The following NCAPD3 variants were observed in gnomAD, a reference collection of about 807,000 sequenced individuals.
NCAPD3 encodes non-SMC condensin II complex subunit D3.
A neutral mutation model predicts 182.9 loss-of-function variants in NCAPD3; 105 were observed. The observed-to-expected ratio is 0.57, with a 90% CI of 0.49 to 0.68. NCAPD3 has a LOEUF of 0.68. Ranked by LOEUF, NCAPD3 falls within the 30% of genes least tolerant of loss-of-function variation. The pLI is 0.00. For synonymous variants in NCAPD3, 815 were observed against 679.9 expected (o/e 1.20, Z -3.09); for missense variants, 1,944 against 1,837.0 (o/e 1.06, Z -1.07).
At chr11:134,169,671 G>A (rs1314833429) in intron 24 of NCAPD3, among the ~76,000 whole-genome samples, 1 of 152,152 alleles carries the variant, frequency 6.6e-6, no homozygotes, top group Non-Finnish European at 1.5e-5. Context: ...GTGCAATGCT[G>A]CACATGGGAC....
intron 27 of NCAPD3, among the ~76,000 whole-genome samples, chr11:134,165,966 G>T (rs189767419): frequency 8.5e-6 from 1 of 117,174 alleles, no homozygotes; most frequent in African/African-American, 3.4e-5. Flanking sequence ...TTGGGGGAGG[G>T]GCACACTCAG....
chr11:134,209,615 G>A (rs534873086), intron 4 of NCAPD3, 138 bp from the exon 5 acceptor site: 277 of 739,910 alleles, frequency 3.7e-4, no homozygotes, highest in Non-Finnish European at 5.3e-4. Context: ...TGACCAGGTC[G>A]CATGACTGTT....
rs145669881 is a variant in NCAPD3, at chr11:134,194,686, G to A, written c.1668C>T (p.Asn556=). Residue 556 remains asparagine (N), a synonymous_variant, in exon 14 of 35, where the codon AAC becomes AAT. Transcript: ENST00000534548. ...LRRRIRDEKT[N]VRKSALQVLV... is the part of the protein sequence containing the mutation. ...CCACCTGCAGTGCAGACTTCCTAACGTTGGTCTTCTCATCCCTGATCCTCC... is the reference window on the plus strand; with the variant it reads ...CCACCTGCAGTGCAGACTTCCTAACATTGGTCTTCTCATCCCTGATCCTCC... 856 of 1,606,204 alleles carry A rather than the reference G, an allele frequency of 5.3e-4. 1 individual carries two copies. The highest frequency in any genetic ancestry group is 1.0e-3 in the Admixed American group (61 of 58,982).
At chr11:134,175,512 CG>C (rs1565533287) in intron 24 of NCAPD3, among the ~76,000 whole-genome samples, 3 of 152,162 alleles carry the variant, frequency 2.0e-5, no homozygotes, top group East Asian at 3.9e-4. Context: ...GAAACTTCCA[CG>C]GAACTCAGGG....
intron 24 of NCAPD3, chr11:134,173,296 G>A (rs10736612): frequency 0.36 from 54,954 of 154,226 alleles, 9,987 homozygotes; most frequent in African/African-American, 0.43. Context: ...GGACAGCACA[G>A]GTGTGGTCCA....
intron 32 of NCAPD3, among the ~76,000 whole-genome samples, chr11:134,154,985 TC>T (rs1402346436): frequency 6.6e-5 from 10 of 152,182 alleles, no homozygotes; most frequent in African/African-American, 2.4e-4. Flanking sequence ...ACACTGCTCT[TC>T]CTGTTTGGAA....
At chr11:134,222,027 T>C (rs1035621245) in intron 1 of NCAPD3, among the ~76,000 whole-genome samples, 4 of 152,258 alleles carry the variant, frequency 2.6e-5, no homozygotes, top group African/African-American at 7.2e-5. Context: ...GTTTTGCTTA[T>C]GACAGTTCCC....
chr11:134,202,939 A>T (rs1944780263), intron 12 of NCAPD3, 34 bp from the exon 13 acceptor site: 1 of 1,505,514 alleles, frequency 6.6e-7, no homozygotes, highest in Admixed American at 1.9e-5. Context: ...TTAAGCTAAA[A>T]ATGTGTTATA....
At chr11:134,155,630 C>T (rs1943398101) in intron 32 of NCAPD3, among the ~76,000 whole-genome samples, 1 of 152,176 alleles carries the variant, frequency 6.6e-6, no homozygotes, top group African/African-American at 2.4e-5. Flanking sequence ...CAACCCAACA[C>T]TGACATCAGG....
chr11:134,209,519 A>G, intron 4 of NCAPD3, 42 bp from the exon 5 acceptor site: 1 of 1,562,014 alleles, frequency 6.4e-7, no homozygotes. Flanking sequence ...AATAAATGCC[A>G]AACACTTTGT....
At chr11:134,211,392 A>G (rs1188032468) in intron 3 of NCAPD3, among the ~76,000 whole-genome samples, 2 of 152,222 alleles carry the variant, frequency 1.3e-5, no homozygotes, top group Non-Finnish European at 2.9e-5. Flanking sequence ...TCATGCCTGT[A>G]ATTCCAACAC....
intron 16 of NCAPD3, among the ~76,000 whole-genome samples, chr11:134,188,000 G>C (rs551488880): frequency 6.6e-6 from 1 of 152,270 alleles, no homozygotes; most frequent in South Asian, 2.1e-4. Flanking sequence ...TTAAAACGTG[G>C]CTGTTAGGGT....
chr11:134,150,668 TTTG>T lies in NCAPD3; in HGVS notation c.*2273_*2275del, dbSNP rs1943193981. Reference sequence around the variant, plus strand: ...TTTTTTTTTTAAGTTTGTTTAATTATTTGTTAAGATTGTCTAAGGCCAAAGGCA... The same window carrying T: ...TTTTTTTTTTAAGTTTGTTTAATTATTTAAGATTGTCTAAGGCCAAAGGCA... On this transcript the variant is annotated 3_prime_UTR_variant, in exon 35 of 35. Transcript: ENST00000534548. 1.3e-5 allele frequency: 2 copies of T among 152,060 alleles called. No individual in the cohort carries two copies. Among genetic ancestry groups the T allele is most frequent in the Admixed American group, 6.6e-5 (1 of 15,266 alleles). The allele number at this position is 152,060 out of a possible 1,614,324, so 9.4% of individuals were successfully genotyped here. A position where few individuals can be genotyped will look rare whatever the true frequency, so the allele number is the denominator to read the frequency against.
intron 15 of NCAPD3, 90 bp downstream of exon 15, chr11:134,193,926 A>G (rs1944573896): frequency 7.3e-7 from 1 of 1,367,688 alleles, no homozygotes; most frequent in Admixed American, 2.1e-5. Context: ...TTTAAAGGTC[A>G]ACTTAACGTT....
At chr11:134,208,203 T>C (rs1364891247) in intron 7 of NCAPD3, among the ~76,000 whole-genome samples, 1 of 152,192 alleles carries the variant, frequency 6.6e-6, no homozygotes, top group South Asian at 2.1e-4. Context: ...GCGTCGCAGA[T>C]ACCAAAAGCC....
Position 134,205,982 on chromosome 11 carries a change from G to A in NCAPD3, c.1016+617C>T, listed in dbSNP as rs1591857476. Among the ~76,000 whole-genome samples, 3 of 152,014 alleles carry A rather than the reference G, an allele frequency of 2.0e-5. No individual in the cohort carries two copies. In the East Asian group the frequency reaches 5.8e-4, roughly 29 times the overall value. On this transcript the variant is annotated intron_variant, in intron 8 of 34. Transcript: ENST00000534548. ...CATGTCTCGGCACCACCTCCACACT[G>A]CACGCCAAAAATCAGTGAAGGAGGG... is the stretch of plus-strand genomic sequence containing the variant.
chr11:134,153,309 C>G lies in NCAPD3; in HGVS notation c.4307G>C (p.Arg1436Pro), dbSNP rs890752834. 6.2e-7 allele frequency: 1 copy of G among 1,614,070 alleles called. No homozygotes were observed. Among genetic ancestry groups the G allele is most frequent in the Admixed American group, 1.7e-5 (1 of 60,014 alleles). ...CTTGCCTTTGGCTGACGACGGAGTC[C>G]GTGGTGTCCCGATGTAACTGACCCC... ...GAGVSYIGTP[R>P]TPSSAKEKIE... Residue 1436 changes from arginine (R) to proline (P), a missense_variant, in exon 33 of 35, where the codon CGG becomes CCG. Arg to Pro is a moderately radical substitution (Grantham distance 103). Transcript: ENST00000534548.
intron 27 of NCAPD3, among the ~76,000 whole-genome samples, chr11:134,165,475 TGGG>T (rs1196415109): frequency 1.5e-4 from 20 of 130,060 alleles, no homozygotes; most frequent in East Asian, 1.5e-3. Context: ...GAGATGAGCT[TGGG>T]GGAGTGGCAC....
chr11:134,163,997 G>A (rs989875509), intron 27 of NCAPD3, among the ~76,000 whole-genome samples: 9 of 152,046 alleles, frequency 5.9e-5, no homozygotes, highest in African/African-American at 2.2e-4. Flanking sequence ...AATGGGATAA[G>A]CTTAAATAAG....
Sources: allele counts gnomAD v4.1 joint callset (sites outside exome capture counted in the v4.1 genomes callset), GRCh38; gene constraint gnomAD v4.1.1; transcripts MANE v1.5; gene names NCBI Gene and HGNC (gene_info 2026-07-23, HGNC 2026-07-21).